Variants in PDPN observed in about 807,000 individuals in gnomAD.
PDPN encodes the protein PA2.26 antigen.
In PDPN, 12 loss-of-function variants were observed where a neutral mutation model predicts 23.2. The ratio of observed to expected loss-of-function variants is 0.52; its 90% CI spans 0.33 to 0.84. The LOEUF (loss-of-function observed/expected upper bound fraction) is 0.84. Ranked by LOEUF, PDPN falls within the 40% of genes least tolerant of loss-of-function variation. The pLI is 0.02. For synonymous variants in PDPN, 77 were observed against 76.7 expected (o/e 1.00, Z -0.02); for missense variants, 199 against 212.2 (o/e 0.94, Z 0.39).
intron 1 of PDPN, among the ~76,000 whole-genome samples, chr1:13,601,878 G>T (rs1640649363): frequency 6.6e-6 from 1 of 152,254 alleles, no homozygotes; most frequent in Non-Finnish European, 1.5e-5. Context: ...GGAAGAGTTT[G>T]TGAGTGTGAT....
rs34010987 is a variant in PDPN at position 13,607,111 on chromosome 1, G to T, written c.68-62G>T. On this transcript the variant is annotated intron_variant, in intron 1 of 5. Coordinates refer to ENST00000621990, the MANE Select transcript of PDPN (RefSeq NM_006474.5). ...AAAAGAAAATAATCCGAATGTAGCCGACAAGTTGGGTCTGCTTATGCAATT... is the reference window on the plus strand; with the variant it reads ...AAAAGAAAATAATCCGAATGTAGCCTACAAGTTGGGTCTGCTTATGCAATT... 6,398 of 1,518,278 alleles carry T rather than the reference G, an allele frequency of 4.2e-3. 22 individuals are homozygous for T. Among genetic ancestry groups the T allele is most frequent in the Non-Finnish European group, 4.9e-3 (5,522 of 1,121,410 alleles). 94.1% of individuals were successfully genotyped at this position (1,518,278 alleles called of 1,614,324 possible). A position where few individuals can be genotyped will look rare whatever the true frequency, so the allele number is the denominator to read the frequency against.
chr1:13,610,610 G>C, intron 3 of PDPN, 94 bp downstream of exon 3: 1 of 1,251,996 alleles, frequency 8.0e-7, no homozygotes, highest in Non-Finnish European at 1.1e-6. Context: ...TCAATAGGGG[G>C]CATATTGGGA....
intron 1 of PDPN, among the ~76,000 whole-genome samples, 187 bp from the exon 2 acceptor site, chr1:13,606,986 G>C (rs1327969570): frequency 1.3e-5 from 2 of 152,192 alleles, no homozygotes; most frequent in African/African-American, 4.8e-5. Flanking sequence ...CCAGGGTGTT[G>C]ATGTGTCAGA....
intron 1 of PDPN, among the ~76,000 whole-genome samples, chr1:13,595,005 A>AAG (rs1553144392): frequency 6.6e-6 from 1 of 151,098 alleles, no homozygotes; most frequent in African/African-American, 2.4e-5. Flanking sequence ...AAAAAAAAAA[A>AAG]AAAGAAAGAA....
At chr1:13,585,491 C>T (rs1640151375) in intron 1 of PDPN, 1 of 1,337,788 alleles carries the variant, frequency 7.5e-7, no homozygotes, top group South Asian at 1.2e-5. Flanking sequence ...CAAATGACAC[C>T]GTTTTGTGCT....
chr1:13,583,786 C>G (rs763889776), upstream of PDPN: 5 of 1,516,312 alleles, frequency 3.3e-6, no homozygotes, highest in East Asian at 4.6e-5. Flanking sequence ...CCCGCTCCCC[C>G]GCCTCCTCGG....
chr1:13,595,889 C>T (rs1640482830), intron 1 of PDPN: 62 of 1,287,640 alleles, frequency 4.8e-5, no homozygotes, highest in Non-Finnish European at 5.9e-5. Context: ...ATCATAAATA[C>T]AGAAGATAAT....
intron 1 of PDPN, among the ~76,000 whole-genome samples, chr1:13,586,429 C>G (rs778559140): frequency 6.6e-6 from 1 of 152,056 alleles, no homozygotes; most frequent in Non-Finnish European, 1.5e-5. Flanking sequence ...AAAAATGTGT[C>G]CGGGCATGAG....
At chr1:13,604,311 A>G (rs1231355977) in intron 1 of PDPN, among the ~76,000 whole-genome samples, 1 of 152,076 alleles carries the variant, frequency 6.6e-6, no homozygotes, top group Non-Finnish European at 1.5e-5. Flanking sequence ...CCTAGTAGGA[A>G]CTCTTCACCC....
chr1:13,597,312 G>A (rs1028928009), intron 1 of PDPN, among the ~76,000 whole-genome samples: 3 of 152,144 alleles, frequency 2.0e-5, no homozygotes, highest in African/African-American at 7.2e-5. Flanking sequence ...TTAGACACTA[G>A]GGCAGCGCAA....
At chr1:13,590,117 C>T (rs558614253) in intron 1 of PDPN, among the ~76,000 whole-genome samples, 1 of 152,210 alleles carries the variant, frequency 6.6e-6, no homozygotes. Flanking sequence ...CGTAAGCCAC[C>T]GCTCCCTGCC....
At position 13,610,454 on chromosome 1, in the gene PDPN, T is replaced by A; in HGVS notation, c.269T>A (p.Val90Asp). ...IEDLPTSEST[V>D]HAQEQSPSAT... ...GATCTGCCAACTTCAGAAAGCACAG[T>A]CCACGCGCAAGAACAAAGTCCAAGC... is the stretch of plus-strand genomic sequence containing the variant. Residue 90 changes from valine to aspartate, a missense_variant, in exon 3 of 6, where the codon GTC (valine) becomes GAC (aspartate). Transcript: ENST00000621990. 6.2e-7 allele frequency: 1 copy of A among 1,614,014 alleles called. No individual in the cohort carries two copies. The highest frequency in any genetic ancestry group is 8.5e-7 in the Non-Finnish European group (1 of 1,179,974).
intron 3 of PDPN, among the ~76,000 whole-genome samples, chr1:13,611,349 T>C (rs1164540262): frequency 6.6e-6 from 1 of 151,754 alleles, no homozygotes; most frequent in Middle Eastern, 3.2e-3. Flanking sequence ...CCATGGATAG[T>C]TGGATAGATA....
At chr1:13,591,537 G>A (rs534051188) in intron 1 of PDPN, among the ~76,000 whole-genome samples, 5 of 152,102 alleles carry the variant, frequency 3.3e-5, no homozygotes, top group South Asian at 2.1e-4. Context: ...GACCCTGACC[G>A]CCATCGATCT....
chr1:13,590,950 C>CT (rs369914558), intron 1 of PDPN, among the ~76,000 whole-genome samples: 25 of 150,790 alleles, frequency 1.7e-4, no homozygotes, highest in African/African-American at 4.9e-4. Context: ...AATTTCTTTT[C>CT]TTTTTTTTTC....
chr1:13,585,118 A>G (rs1640142056), intron 1 of PDPN, among the ~76,000 whole-genome samples: 1 of 152,204 alleles, frequency 6.6e-6, no homozygotes, highest in Admixed American at 6.5e-5. Context: ...ATTGTAACCT[A>G]ACTCGTGATC....
chr1:13,596,654 C>T (rs1481932023), intron 1 of PDPN, among the ~76,000 whole-genome samples: 1 of 152,120 alleles, frequency 6.6e-6, no homozygotes, highest in South Asian at 2.1e-4. Context: ...CGAGGTCAGG[C>T]GTGTTCAGAG....
intron 1 of PDPN, among the ~76,000 whole-genome samples, chr1:13,586,782 AAGAG>A (rs1640190549): frequency 7.0e-6 from 1 of 141,986 alleles, no homozygotes; most frequent in African/African-American, 2.7e-5. Context: ...AAAAAAAAAA[AAGAG>A]GCTGGGCATG....
At chr1:13,593,027 C>T (rs2100218802) in intron 1 of PDPN, among the ~76,000 whole-genome samples, 1 of 152,280 alleles carries the variant, frequency 6.6e-6, no homozygotes, top group African/African-American at 2.4e-5. Flanking sequence ...TATGAGTCTA[C>T]TTTGTTTTTA....
Sources: allele counts gnomAD v4.1 joint callset (sites outside exome capture counted in the v4.1 genomes callset), GRCh38; gene constraint gnomAD v4.1.1; transcripts MANE v1.5; gene names NCBI Gene and HGNC (gene_info 2026-07-23, HGNC 2026-07-21).